CIMAP3: variants seen among roughly 807,000 people sequenced by gnomAD.
The protein encoded by CIMAP3 is ciliary microtubule associated protein 3.
At chr1:111,351,166 G>GTTTTTTTTTTT in the CIMAP3 span, 8 of 574,738 alleles carry the variant, frequency 1.4e-5, 1 homozygote, top group South Asian at 1.8e-5. Flanking sequence ...ATAATGTACA[G>GTTTTTTTTTTT]TTTTTTTTTT....
At chr1:111,345,260 T>TTATA in the CIMAP3 span, among the ~76,000 whole-genome samples, 1 of 152,238 alleles carries the variant, frequency 6.6e-6, no homozygotes, top group Non-Finnish European at 1.5e-5. Flanking sequence ...TTGGAGTAAA[T>TTATA]TATACAATAA....
chr1:111,346,885 G>T, the CIMAP3 span: 3 of 1,610,982 alleles, frequency 1.9e-6, no homozygotes, highest in Admixed American at 1.7e-5. Flanking sequence ...CGTCCCTCAC[G>T]TGGAGCCTCT....
At chr1:111,347,952 A>C in the CIMAP3 span, among the ~76,000 whole-genome samples, 248 of 152,346 alleles carry the variant, frequency 1.6e-3, 1 homozygote, top group Non-Finnish European at 2.2e-3. Flanking sequence ...TAACATTGCA[A>C]ATATGCGTGT....
chr1:111,335,087 C>A, the CIMAP3 span, among the ~76,000 whole-genome samples: 1 of 113,252 alleles, frequency 8.8e-6, no homozygotes, highest in Non-Finnish European at 1.6e-5. Context: ...GAGATTGGGT[C>A]ATTGCACTCC....
chr1:111,337,788 G>A, the CIMAP3 span, among the ~76,000 whole-genome samples: 2 of 152,114 alleles, frequency 1.3e-5, no homozygotes, highest in African/African-American at 4.8e-5. Context: ...ACAGATCAAT[G>A]AGGCAGAAAG....
At chr1:111,336,508 C>T in the CIMAP3 span, among the ~76,000 whole-genome samples, 1 of 152,090 alleles carries the variant, frequency 6.6e-6, no homozygotes, top group Non-Finnish European at 1.5e-5. Flanking sequence ...CTTAAAGGAG[C>T]TGATGGAGCT....
the CIMAP3 span, among the ~76,000 whole-genome samples, chr1:111,327,222 C>A: frequency 2.6e-5 from 4 of 152,044 alleles, no homozygotes; most frequent in Admixed American, 2.6e-4. Flanking sequence ...AGTTTCAAGT[C>A]TTACATTTAA....
chr1:111,349,768 G>C, the CIMAP3 span: 1 of 192,644 alleles, frequency 5.2e-6, no homozygotes. Context: ...ATTGTGGGCA[G>C]TACTAATTCA....
the CIMAP3 span, chr1:111,347,726 A>G: frequency 5.0e-6 from 8 of 1,613,142 alleles, no homozygotes; most frequent in Non-Finnish European, 6.8e-6. Flanking sequence ...ATAAAAGGAT[A>G]TACTTTGGGA....
the CIMAP3 span, among the ~76,000 whole-genome samples, chr1:111,326,939 TA>T: frequency 3.9e-5 from 6 of 152,158 alleles, no homozygotes; most frequent in African/African-American, 1.4e-4. Flanking sequence ...AGTGAGATTT[TA>T]TTTGTTTTTT....
the CIMAP3 span, among the ~76,000 whole-genome samples, chr1:111,330,857 C>A: frequency 1.3e-5 from 2 of 152,206 alleles, no homozygotes; most frequent in Admixed American, 6.5e-5. Context: ...TGGGCCCAAG[C>A]CAGGGGTTCC....
chr1:111,347,074 GCTC>G, the CIMAP3 span: 2 of 1,578,434 alleles, frequency 1.3e-6, no homozygotes, highest in Non-Finnish European at 1.7e-6. Flanking sequence ...CCCCTTAGAT[GCTC>G]CTCAGTTCCC....
chr1:111,337,886 A>G, the CIMAP3 span, among the ~76,000 whole-genome samples: 2 of 151,388 alleles, frequency 1.3e-5, no homozygotes, highest in Admixed American at 6.6e-5. Flanking sequence ...AAATCAACAG[A>G]ATATACATTT....
the CIMAP3 span, among the ~76,000 whole-genome samples, chr1:111,325,598 G>A: frequency 2.0e-5 from 3 of 151,926 alleles, no homozygotes; most frequent in African/African-American, 7.3e-5. Flanking sequence ...ATTAATTCAT[G>A]GATAACATAA....
the CIMAP3 span, among the ~76,000 whole-genome samples, chr1:111,329,967 G>A: frequency 0.077 from 11,689 of 151,870 alleles, 564 homozygotes; most frequent in African/African-American, 0.13. Flanking sequence ...TCTTTCCTCA[G>A]CTTGGTTTAT....
the CIMAP3 span, among the ~76,000 whole-genome samples, chr1:111,350,764 A>G: frequency 6.6e-6 from 1 of 152,258 alleles, no homozygotes; most frequent in Non-Finnish European, 1.5e-5. Flanking sequence ...TAAAATGGGT[A>G]TTAAAATAGA....
chr1:111,332,978 A>T, the CIMAP3 span, among the ~76,000 whole-genome samples: 1 of 152,214 alleles, frequency 6.6e-6, no homozygotes, highest in Admixed American at 6.5e-5. Flanking sequence ...AATTGTAGGC[A>T]CAGGGGCACT....
the CIMAP3 span, chr1:111,346,694 C>T: frequency 6.2e-7 from 1 of 1,611,310 alleles, no homozygotes; most frequent in East Asian, 2.2e-5. Flanking sequence ...GCCGAGAAGC[C>T]TAGAGTAGAG....
the CIMAP3 span, among the ~76,000 whole-genome samples, chr1:111,328,502 T>C: frequency 6.6e-6 from 1 of 152,260 alleles, no homozygotes; most frequent in Non-Finnish European, 1.5e-5. Flanking sequence ...TGCAGGTTGC[T>C]AAGAACTTGC....
Sources: allele counts gnomAD v4.1 joint callset (sites outside exome capture counted in the v4.1 genomes callset), GRCh38; gene constraint gnomAD v4.1.1; transcripts MANE v1.5; gene names NCBI Gene and HGNC (gene_info 2026-07-23, HGNC 2026-07-21).